The following KLK12 variants were observed in gnomAD, a reference collection of about 807,000 sequenced individuals.
KLK12 encodes kallikrein related peptidase 12, also known as kallikrein-12.
Under a neutral mutation model 20.0 loss-of-function variants are expected in KLK12, and 23 were observed. The observed-to-expected ratio is 1.15, with a 90% CI of 0.83 to 1.63. KLK12 has a LOEUF of 1.63. Among genes scored for constraint, KLK12 ranks in the 40% most tolerant of loss-of-function variants. KLK12 has a pLI of 0.00. For synonymous variants in KLK12, 147 were observed against 141.9 expected, an observed-to-expected ratio of 1.04 and a Z score of -0.25; for missense variants, 351 against 338.6, an observed-to-expected ratio of 1.04 and a Z score of -0.29.
chr19:51,034,686 C>T, intron 1 of KLK12, 46 bp from the exon 2 acceptor site: 1 of 1,570,252 alleles, frequency 6.4e-7, no homozygotes, highest in Non-Finnish European at 8.7e-7. Context: ...CCCTGTGCCC[C>T]CCACCTCTGC....
intron 2 of KLK12, 115 bp downstream of exon 2, chr19:51,034,470 T>C (rs1471240109): frequency 1.3e-6 from 2 of 1,528,628 alleles, no homozygotes; most frequent in Non-Finnish European, 1.8e-6. Flanking sequence ...GCCCCTCTCC[T>C]CCTCACCACC....
At chr19:51,034,182 A>T (rs1342215191) in intron 2 of KLK12, 43 bp from the exon 3 acceptor site, 1 of 1,544,234 alleles carries the variant, frequency 6.5e-7, no homozygotes, top group Non-Finnish European at 8.8e-7. Flanking sequence ...GGAAGAAAAG[A>T]TACAGAGATG....
chr19:51,034,825 G>C lies in KLK12; in HGVS notation c.-39C>G. On this transcript the variant is annotated 5_prime_UTR_variant, in exon 1 of 6. The change creates a new upstream start codon in the 5' untranslated region. Coordinates refer to ENST00000684732, the MANE Select transcript of KLK12 (RefSeq NM_001370125.1). ...TCTCACCTTGTCTCTTTGTCTGCCA[G>C]ATCCTCTACGTGGCTGTCACTGTTT... The C allele has an allele frequency of 1.4e-6, 2 of 1,452,980 alleles. No individual in the cohort carries two copies. Among genetic ancestry groups the C allele is most frequent in the Non-Finnish European group, 1.8e-6 (2 of 1,103,358 alleles). 90.0% of individuals were successfully genotyped at this position (1,452,980 alleles called of 1,614,324 possible).
At chr19:51,031,850 C>T (rs1175584421) in intron 4 of KLK12, 26 bp downstream of exon 4, 2 of 1,612,552 alleles carry the variant, frequency 1.2e-6, no homozygotes, top group African/African-American at 1.3e-5. Context: ...ATCCTGACCC[C>T]TGACCCCTGG....
At chr19:51,029,705 A>C (rs1599767544) in intron 5 of KLK12, among the ~76,000 whole-genome samples, 1 of 152,360 alleles carries the variant, frequency 6.6e-6, no homozygotes, top group East Asian at 1.9e-4. Flanking sequence ...CTCAAGGACA[A>C]TGGCTGGGGC....
At chr19:51,031,105 G>A (rs779063176) in intron 4 of KLK12, among the ~76,000 whole-genome samples, 184 bp from the exon 5 acceptor site, 13 of 152,146 alleles carry the variant, frequency 8.5e-5, no homozygotes, top group Non-Finnish European at 1.6e-4. Context: ...GACCCCAGAT[G>A]ATTGACGGTC....
At chr19:51,030,713 G>A (rs2091547607) in intron 5 of KLK12, 75 bp downstream of exon 5, 3 of 1,583,432 alleles carry the variant, frequency 1.9e-6, no homozygotes, top group Middle Eastern at 2.2e-4. Flanking sequence ...TCCTCCATCA[G>A]TTCCCCTCCT....
rs763861058 is a variant in KLK12, at chr19:51,031,802, T to C, written c.457+74A>G. ...TACCCATCCTTCCTCTGAGGTGTCA[T>C]GATTCGACCTCTCGCCCTGCATCCC... On this transcript the variant is annotated intron_variant, in intron 4 of 5. Coordinates refer to ENST00000684732, the MANE Select transcript of KLK12 (RefSeq NM_001370125.1). 5.4e-6 allele frequency: 8 copies of C among 1,492,490 alleles called. No individual in the cohort carries two copies. The Admixed American group carries it at 1.0e-4, about 19-fold the overall frequency. 92.5% of individuals were successfully genotyped at this position (1,492,490 alleles called of 1,614,324 possible). A position where few individuals can be genotyped will look rare whatever the true frequency, so the allele number is the denominator to read the frequency against.
chr19:51,030,867 G>A lies in KLK12; in HGVS notation c.512C>T (p.Thr171Ile), dbSNP rs762137085. 4 of 1,614,128 alleles carry A rather than the reference G, an allele frequency of 2.5e-6. No individual in the cohort carries two copies. The South Asian group carries it at 4.4e-5, about 18-fold the overall frequency. The change falls in exon 5 of 6, where the codon ACC (threonine) becomes ATC (isoleucine). Residue 171 changes from threonine (T) to isoleucine (I), a missense_variant. By Grantham distance (89) the Thr-to-Ile change is moderately conservative. Transcript: ENST00000684732. ...CLNLSIVSHATCHGVYPGRIT... is the reference protein window; with the variant it reads ...CLNLSIVSHAICHGVYPGRIT... ...TCTCCCGGGATACACACCATGGCAG[G>A]TGGCATGGGAGACGATGGAGAGGTT... is the stretch of plus-strand genomic sequence containing the variant.
At position 51,034,016 on chromosome 19, in the gene KLK12, T is replaced by C; in HGVS notation, c.161A>G (p.His54Arg). ...SLRCGGVLID[H>R]RWVLTAAHCS... ...GTGAGCCGCTGTGAGGACCCACCTG[T>C]GGTCAATAAGGACACCCCCGCAGCG... Residue 54 changes from histidine (H) to arginine (R), a missense_variant, in exon 3 of 6, where the codon CAC becomes CGC. By Grantham distance (29) the His-to-Arg change is conservative. Transcript: ENST00000684732. 3 of 1,610,946 alleles carry C rather than the reference T, an allele frequency of 1.9e-6. No individual in the cohort carries two copies. Among genetic ancestry groups the C allele is most frequent in the Admixed American group, 1.7e-5 (1 of 59,646 alleles).
chr19:51,031,734 C>T lies in KLK12; in HGVS notation c.457+142G>A, dbSNP rs559967131. On this transcript the variant is annotated intron_variant, in intron 4 of 5. Transcript: ENST00000684732. ...ACCCCAATCCACCATAATCTCTGAC[C>T]CCAAACCATGATCCTGATGTCCCAT... 1.1e-4 allele frequency: 108 copies of T among 1,000,622 alleles called. No individual in the cohort carries two copies. The Middle Eastern group carries it at 2.1e-3, about 19-fold the overall frequency. 62.0% of individuals were successfully genotyped at this position (1,000,622 alleles called of 1,614,324 possible).
intron 3 of KLK12, among the ~76,000 whole-genome samples, chr19:51,033,474 G>A (rs1171420770): frequency 6.6e-6 from 1 of 152,164 alleles, no homozygotes; most frequent in Non-Finnish European, 1.5e-5. Flanking sequence ...AAATTAGCTG[G>A]GCATGGTGGC....
Position 51,032,381 on chromosome 19 carries a change from CTTTTTTT to C in KLK12, c.198-253_198-247del, listed in dbSNP as rs869282785. Among the ~76,000 whole-genome samples, 3 of 115,286 alleles carry C rather than the reference CTTTTTTT, an allele frequency of 2.6e-5. 1 individual carries two copies. Among genetic ancestry groups the C allele is most frequent in the East Asian group, 4.9e-4 (2 of 4,084 alleles). The allele number at this position is 115,286 out of a possible 152,430, so 75.6% of individuals were successfully genotyped here. ...CCCTGCATCTGTGTCTCTCTCTCTC[CTTTTTTT>C]TTTTTTTTTTTTTTTCAAGACCGAG... On this transcript the variant is annotated intron_variant, in intron 3 of 5. Transcript: ENST00000684732.
intron 3 of KLK12, 74 bp downstream of exon 3, chr19:51,033,906 C>T (rs1209736306): frequency 2.1e-6 from 3 of 1,424,642 alleles, no homozygotes; most frequent in South Asian, 2.4e-5. Context: ...TGGGCACCAC[C>T]CTCCCTTGTG....
chr19:51,034,450 C>A, intron 2 of KLK12, 135 bp downstream of exon 2: 1 of 1,497,884 alleles, frequency 6.7e-7, no homozygotes, highest in Non-Finnish European at 8.9e-7. Context: ...TAAATGGAGG[C>A]ACAGAGAAAG....
chr19:51,029,291 G>T lies in KLK12; in HGVS notation c.*11C>A. ...AAGTTAAGGGGTGGGGGTGGAGGTG[G>T]AGGAAACAGGTCAGTTGTTCCTCAT... On this transcript the variant is annotated 3_prime_UTR_variant, in exon 6 of 6. Coordinates refer to ENST00000684732, the MANE Select transcript of KLK12 (RefSeq NM_001370125.1). 2 of 1,614,034 alleles carry T rather than the reference G, an allele frequency of 1.2e-6. No homozygotes were observed. The highest frequency in any genetic ancestry group is 2.2e-5 in the South Asian group (2 of 91,062).
intron 5 of KLK12, 131 bp downstream of exon 5, chr19:51,030,657 T>C: frequency 1.5e-6 from 2 of 1,340,612 alleles, no homozygotes. Context: ...GCCTCTCCCT[T>C]CCTTTTTGAC....
chr19:51,030,097 G>A (rs529094572), intron 5 of KLK12: 2 of 157,468 alleles, frequency 1.3e-5, no homozygotes, highest in Admixed American at 1.2e-4. Flanking sequence ...GCACCAACTG[G>A]AGGATGGTAT....
chr19:51,030,352 T>TTATTAA (rs1169311144), intron 5 of KLK12, among the ~76,000 whole-genome samples: 2 of 147,262 alleles, frequency 1.4e-5, no homozygotes, highest in Non-Finnish European at 3.0e-5. Context: ...ATTATTATTA[T>TTATTAA]TAATTATTTT....
Sources: gnomAD v4.1 joint callset for allele counts (sites outside exome capture counted in the v4.1 genomes callset) on GRCh38, gnomAD v4.1.1 for gene constraint, MANE v1.5 for transcripts, NCBI Gene and HGNC (gene_info 2026-07-23, HGNC 2026-07-21) for gene names.